Variants in VMP1 observed in about 807,000 individuals in gnomAD.
VMP1 encodes ectopic P-granules autophagy protein 3 homolog.
Under a neutral mutation model 56.0 loss-of-function variants are expected in VMP1, and 11 were observed. That is an observed-to-expected ratio of 0.20 (90% confidence interval 0.12 to 0.32). VMP1 has a LOEUF of 0.32. Ranked by LOEUF, VMP1 falls within the 10% of genes least tolerant of loss-of-function variation. The probability of loss-of-function intolerance (pLI) is 1.00; values close to 1 mark genes in which losing one functional copy is unlikely to be tolerated. For synonymous variants in VMP1, 149 were observed against 165.0 expected (o/e 0.90, Z 0.74); for missense variants, 296 against 490.3 (o/e 0.60, Z 3.74).
intron 6 of VMP1, among the ~76,000 whole-genome samples, chr17:59,767,743 G>C (rs976614327): frequency 6.6e-6 from 1 of 151,984 alleles, no homozygotes; most frequent in Non-Finnish European, 1.5e-5. Flanking sequence ...TGGCTGGTAT[G>C]GTGGCTTTCT....
chr17:59,807,263 T>C (rs536269441), intron 7 of VMP1, among the ~76,000 whole-genome samples: 1 of 151,338 alleles, frequency 6.6e-6, no homozygotes, highest in Admixed American at 6.6e-5. Context: ...AGTGGTGCGA[T>C]TTCAGCTCAC....
intron 1 of VMP1, among the ~76,000 whole-genome samples, chr17:59,724,745 C>CACGA (rs1394021513): frequency 5.3e-5 from 8 of 152,080 alleles, no homozygotes; most frequent in African/African-American, 1.9e-4. Context: ...GGTGGCTGAT[C>CACGA]ACGAGGTCAG....
intron 5 of VMP1, among the ~76,000 whole-genome samples, chr17:59,753,644 C>G (rs1187151383): frequency 6.6e-6 from 1 of 152,108 alleles, no homozygotes; most frequent in Admixed American, 6.6e-5. Flanking sequence ...GGAGCAGTTT[C>G]CTGGCAAAAG....
intron 6 of VMP1, among the ~76,000 whole-genome samples, chr17:59,772,593 A>C (rs1193944548): frequency 1.3e-5 from 2 of 151,738 alleles, no homozygotes; most frequent in African/African-American, 4.8e-5. Flanking sequence ...ACATAGTGAA[A>C]CTCTGACTCT....
chr17:59,832,497 G>C (rs1012030530), intron 10 of VMP1, among the ~76,000 whole-genome samples: 2 of 152,000 alleles, frequency 1.3e-5, no homozygotes, highest in Non-Finnish European at 2.9e-5. Flanking sequence ...TAGTCCTGCA[G>C]TTGACTGAAA....
chr17:59,813,239 A>G (rs1334678493), intron 9 of VMP1, among the ~76,000 whole-genome samples: 1 of 152,126 alleles, frequency 6.6e-6, no homozygotes, highest in African/African-American at 2.4e-5. Flanking sequence ...TGTTCAATCA[A>G]CGAACACAGG....
At chr17:59,793,024 T>C (rs1401008895) in intron 7 of VMP1, among the ~76,000 whole-genome samples, 1 of 110,362 alleles carries the variant, frequency 9.1e-6, no homozygotes, top group Non-Finnish European at 2.2e-5. Context: ...CCATCTCTTT[T>C]TTTTTTGAGG....
At chr17:59,713,023 A>G (rs960186568) in intron 1 of VMP1, among the ~76,000 whole-genome samples, 1 of 152,126 alleles carries the variant, frequency 6.6e-6, no homozygotes, top group Non-Finnish European at 1.5e-5. Flanking sequence ...CCTGGGTTAG[A>G]TGAGTGGTAA....
chr17:59,835,149 G>A (rs2038939854), intron 10 of VMP1, among the ~76,000 whole-genome samples: 1 of 150,652 alleles, frequency 6.6e-6, no homozygotes, highest in Admixed American at 6.6e-5. Context: ...TTTTTTTTGA[G>A]ACGGAGTCTC....
In VMP1 at chr17:59,834,626, A is replaced by ATTT. The variant is rs34575746; in HGVS notation, c.975-3655_975-3653dup. 5.1e-3 allele frequency among the ~76,000 whole-genome samples: 557 copies of ATTT among 109,686 alleles called. 6 individuals carry two copies. The highest frequency in any genetic ancestry group is 7.3e-3 in the Non-Finnish European group (401 of 54,652). The allele number at this position is 109,686 out of a possible 152,430, so 72.0% of individuals were successfully genotyped here. Reference sequence around the variant, plus strand: ...AGACACCTGCCACCATGCCCAGCTAATTTTTTTTTTTTTTTTGAGACGGAG... The same window carrying ATTT: ...AGACACCTGCCACCATGCCCAGCTAATTTTTTTTTTTTTTTTTTTGAGACGGAG... On this transcript the variant is annotated intron_variant, in intron 10 of 11. Coordinates refer to ENST00000262291, the MANE Select transcript of VMP1 (RefSeq NM_030938.5).
intron 5 of VMP1, among the ~76,000 whole-genome samples, chr17:59,742,430 T>C (rs552808398): frequency 6.6e-6 from 1 of 151,730 alleles, no homozygotes; most frequent in Non-Finnish European, 1.5e-5. Context: ...GGAGGGAGGA[T>C]TGCTTGAGCC....
chr17:59,835,493 GTT>G (rs1175072049), intron 10 of VMP1, among the ~76,000 whole-genome samples: 5 of 134,794 alleles, frequency 3.7e-5, no homozygotes, highest in Non-Finnish European at 3.2e-5. Context: ...GCAGTTTTTT[GTT>G]TTTTTTTTTT....
At position 59,817,956 on chromosome 17, in the gene VMP1, T is replaced by G. The variant is rs373068035; in HGVS notation, c.974+183T>G. On this transcript the variant is annotated intron_variant, in intron 10 of 11. Transcript: ENST00000262291. Reference sequence around the variant, plus strand: ...GTTCTATAGTAGGGAAAGATAAAGCTTACATTATCCCTGTTTAATTGTAAA... The same window carrying G: ...GTTCTATAGTAGGGAAAGATAAAGCGTACATTATCCCTGTTTAATTGTAAA... 5.3e-5 allele frequency among the ~76,000 whole-genome samples: 8 copies of G among 152,248 alleles called. No homozygotes were observed. In the South Asian group the frequency reaches 1.7e-3, roughly 32 times the overall value.
chr17:59,753,060 C>T (rs1048736212), intron 5 of VMP1, among the ~76,000 whole-genome samples: 11 of 151,970 alleles, frequency 7.2e-5, no homozygotes, highest in Non-Finnish European at 1.2e-4. Flanking sequence ...CACTTGAGGC[C>T]GGGAGTTCAA....
chr17:59,810,246 C>T (rs1448098541), intron 8 of VMP1, among the ~76,000 whole-genome samples: 1 of 152,058 alleles, frequency 6.6e-6, no homozygotes, highest in Non-Finnish European at 1.5e-5. Context: ...CTCCACCTCC[C>T]AGGTTCAAGC....
At chr17:59,794,827 T>G (rs753420515) in intron 7 of VMP1, among the ~76,000 whole-genome samples, 23 of 151,722 alleles carry the variant, frequency 1.5e-4, no homozygotes, top group Non-Finnish European at 2.9e-4. Context: ...AGGTTGTTTG[T>G]GAGTTTTAAG....
At chr17:59,737,177 T>A (rs1029602137) in intron 3 of VMP1, among the ~76,000 whole-genome samples, 4 of 152,244 alleles carry the variant, frequency 2.6e-5, no homozygotes, top group Non-Finnish European at 5.9e-5. Flanking sequence ...TCTATTATAC[T>A]ATAATGCTTC....
At chr17:59,715,594 C>T (rs1299007397) in intron 1 of VMP1, among the ~76,000 whole-genome samples, 1 of 152,148 alleles carries the variant, frequency 6.6e-6, no homozygotes, top group Non-Finnish European at 1.5e-5. Context: ...CAGAGCCAAA[C>T]CGTTTCAGGG....
Position 59,773,517 on chromosome 17 carries a change from G to A in VMP1, c.583-237G>A, listed in dbSNP as rs367779726. On this transcript the variant is annotated intron_variant, in intron 6 of 11. Coordinates refer to ENST00000262291, the MANE Select transcript of VMP1 (RefSeq NM_030938.5). ...CCTGAGTAGCTATGGCTACAGGTGC[G>A]TGCCCACTGTGCCTGGCTTGTCTTA... 6.6e-5 allele frequency among the ~76,000 whole-genome samples: 10 copies of A among 151,974 alleles called. No homozygotes were observed. In the East Asian group the frequency reaches 1.2e-3, roughly 18 times the overall value.
Sources: allele counts gnomAD v4.1 joint callset (sites outside exome capture counted in the v4.1 genomes callset), GRCh38; gene constraint gnomAD v4.1.1; transcripts MANE v1.5; gene names NCBI Gene and HGNC (gene_info 2026-07-23, HGNC 2026-07-21).